The following BLK variants were observed in gnomAD, a reference collection of about 807,000 sequenced individuals.
The protein encoded by BLK is tyrosine-protein kinase Blk.
A neutral mutation model predicts 61.8 loss-of-function variants in BLK; 64 were observed. The observed-to-expected ratio is 1.03, with a 90% confidence interval of 0.85 to 1.27. The LOEUF is 1.27. Among genes scored for constraint, BLK ranks in the 50% most tolerant of loss-of-function variants. The pLI, the probability that BLK is intolerant of heterozygous loss-of-function variation, is 0.00. For synonymous variants in BLK, 351 were observed against 272.0 expected, an observed-to-expected ratio of 1.29 and a Z score of -2.86; for missense variants, 853 against 660.5, an observed-to-expected ratio of 1.29 and a Z score of -3.19.
At chr8:11,531,785 G>T (rs1380630487) in intron 1 of BLK, among the ~76,000 whole-genome samples, 2 of 152,148 alleles carry the variant, frequency 1.3e-5, no homozygotes, top group African/African-American at 2.4e-5. Context: ...ACTTTCAATT[G>T]CAGTGTCTCC....
intron 1 of BLK, among the ~76,000 whole-genome samples, chr8:11,519,218 T>C (rs538333124): frequency 2.0e-5 from 3 of 152,270 alleles, no homozygotes; most frequent in Non-Finnish European, 2.9e-5. Flanking sequence ...AAGGAAGGAA[T>C]CAGACCCTCT....
At chr8:11,509,013 C>A (rs1585328602) in intron 1 of BLK, 1 of 152,232 alleles carries the variant, frequency 6.6e-6, no homozygotes, top group Non-Finnish European at 1.5e-5. Flanking sequence ...CTGTGGGGAG[C>A]AAGCAGGCCA....
At chr8:11,534,353 A>C (rs942713995) in intron 1 of BLK, among the ~76,000 whole-genome samples, 1 of 152,252 alleles carries the variant, frequency 6.6e-6, no homozygotes, top group Non-Finnish European at 1.5e-5. Flanking sequence ...ACATATTTTA[A>C]TAATCACTAC....
intron 1 of BLK, among the ~76,000 whole-genome samples, chr8:11,526,982 G>T (rs1361236076): frequency 1.3e-5 from 2 of 152,120 alleles, no homozygotes; most frequent in Non-Finnish European, 2.9e-5. Context: ...TTTCTTTTAT[G>T]TGCTTGGGGG....
intron 1 of BLK, 23 bp from the exon 2 acceptor site, chr8:11,543,201 T>A: frequency 6.2e-7 from 1 of 1,613,528 alleles, no homozygotes. Context: ...TCATGTCCTC[T>A]GTCTGCTGTG....
intron 1 of BLK, among the ~76,000 whole-genome samples, chr8:11,523,017 T>A (rs1463688409): frequency 6.6e-6 from 1 of 150,888 alleles, no homozygotes; most frequent in Non-Finnish European, 1.5e-5. Flanking sequence ...TACCAAAATA[T>A]GAATATCTGT....
rs117799591 is a variant in BLK, at chr8:11,504,834, G to A, written c.-2+10243G>A. ...GGTGTTTGGCCTAAGTGGCCCATGT[G>A]GACTTTGTTTCAAGGATTTTACGAC... On this transcript the variant is annotated intron_variant, in intron 1 of 12. Transcript: ENST00000259089. Among the ~76,000 whole-genome samples the A allele has an allele frequency of 6.5e-3, 989 of 152,308 alleles. 4 individuals carry two copies. Among genetic ancestry groups the A allele is most frequent in the Middle Eastern group, 0.01 (3 of 294 alleles).
In BLK at chr8:11,536,354, G is replaced by C. The variant is rs79142660; in HGVS notation, c.-1-6870G>C. On this transcript the variant is annotated intron_variant, in intron 1 of 12. Transcript: ENST00000259089. ...TTTTAAAGATAATTATTGAATGTGG[G>C]TGATGAGTGTAGAAGAGTTCTATTA... Among the ~76,000 whole-genome samples, 904 of 152,226 alleles carry C rather than the reference G, an allele frequency of 5.9e-3. 9 individuals are homozygous for C. The highest frequency in any genetic ancestry group is 0.021 in the African/African-American group (852 of 41,544).
intron 1 of BLK, among the ~76,000 whole-genome samples, chr8:11,532,964 G>A (rs1585370235): frequency 6.6e-6 from 1 of 152,312 alleles, no homozygotes. Context: ...CAAGGAGCCT[G>A]AGTTTCTTCA....
At chr8:11,558,070 G>A (rs370999580) in intron 10 of BLK, 32 bp downstream of exon 10, 53 of 1,607,188 alleles carry the variant, frequency 3.3e-5, no homozygotes, top group Non-Finnish European at 4.2e-5. Context: ...GAGAAAGGGC[G>A]GCATGTGCCA....
intron 1 of BLK, among the ~76,000 whole-genome samples, chr8:11,538,176 G>A (rs774973896): frequency 2.6e-5 from 4 of 152,124 alleles, no homozygotes; most frequent in Non-Finnish European, 4.4e-5. Flanking sequence ...ACATAAGTGT[G>A]TATGCTTCCT....
At chr8:11,550,375 G>T in intron 6 of BLK, 113 bp downstream of exon 6, 1 of 1,002,960 alleles carries the variant, frequency 1.0e-6, no homozygotes. Flanking sequence ...AGAACCAGCA[G>T]CTTCCGGGCT....
At chr8:11,518,379 C>T (rs1799309125) in intron 1 of BLK, among the ~76,000 whole-genome samples, 1 of 152,168 alleles carries the variant, frequency 6.6e-6, no homozygotes, top group Non-Finnish European at 1.5e-5. Flanking sequence ...TAGATGCCCG[C>T]TAGATACTGG....
intron 2 of BLK, among the ~76,000 whole-genome samples, chr8:11,544,264 CTGAAGATACATTTTTAGA>C: frequency 6.6e-6 from 1 of 152,176 alleles, no homozygotes; most frequent in Admixed American, 6.5e-5. Flanking sequence ...CGTGCCGGGC[CTGAAGATACATTTTTAGA>C]TGATTCTTTG....
chr8:11,509,337 G>A (rs1798906055), intron 1 of BLK: 1 of 152,196 alleles, frequency 6.6e-6, no homozygotes, highest in Admixed American at 6.5e-5. Flanking sequence ...CATCCACAGG[G>A]CTGTTGCCCT....
rs1321718058 is a variant in BLK, at chr8:11,501,533, G to A, written c.-2+6942G>A. On this transcript the variant is annotated intron_variant, in intron 1 of 12. Coordinates refer to ENST00000259089, the MANE Select transcript of BLK (RefSeq NM_001715.3). ...CGTCCTGGTAAACGTTTAACAACCAGCTTTCCAGGAAACAAATGTATTGTA... is the reference window on the plus strand; with the variant it reads ...CGTCCTGGTAAACGTTTAACAACCAACTTTCCAGGAAACAAATGTATTGTA... Among the ~76,000 whole-genome samples, 2 of 152,098 alleles carry A rather than the reference G, an allele frequency of 1.3e-5. 1 individual carries two copies. The highest frequency in any genetic ancestry group is 3.9e-4 in the East Asian group (2 of 5,178).
In BLK at chr8:11,548,085, C is replaced by A. The variant is rs767324062; in HGVS notation, c.229C>A (p.Leu77Met). 5.0e-6 allele frequency: 8 copies of A among 1,613,872 alleles called. No homozygotes were observed. The Admixed American group carries it at 1.2e-4, about 24-fold the overall frequency. The stretch of plus-strand genomic sequence containing the variant: ...CTACACCGCTATGAATGATCGGGAC[C>A]TGCAGATGCTGAAGGGGGAGAAGCT... Reference protein sequence around the residue: ...YDYTAMNDRDLQMLKGEKLQV... With the variant: ...YDYTAMNDRDMQMLKGEKLQV... Residue 77 changes from leucine (L) to methionine (M), a missense_variant, in exon 4 of 13, where the codon CTG (leucine) becomes ATG (methionine). Leu to Met is a conservative substitution (Grantham distance 15). Transcript: ENST00000259089.
chr8:11,494,499 T>C lies in BLK; in HGVS notation c.-94T>C, dbSNP rs1278600803. 6.6e-6 allele frequency: 1 copy of C among 152,250 alleles called. No individual in the cohort carries two copies. The highest frequency in any genetic ancestry group is 1.5e-5 in the Non-Finnish European group (1 of 68,052). The allele number at this position is 152,250 out of a possible 1,614,324, so 9.4% of individuals were successfully genotyped here. ...ACTGGCTTTTGCTTTAGGATGGTGT[T>C]GGAAGTTGCTCGTTGTCGCTAGGAG... On this transcript the variant is annotated 5_prime_UTR_variant, in exon 1 of 13. Coordinates refer to ENST00000259089, the MANE Select transcript of BLK (RefSeq NM_001715.3).
At position 11,555,485 on chromosome 8, in the gene BLK, G is replaced by T. The variant is rs1801162955; in HGVS notation, c.772+1G>T. The T allele has an allele frequency of 6.2e-7, 1 of 1,614,138 alleles. No homozygotes were observed. Among genetic ancestry groups the T allele is most frequent in the Non-Finnish European group, 8.5e-7 (1 of 1,180,022 alleles). On this transcript the variant is annotated splice_donor_variant, in intron 8 of 12. Coordinates refer to ENST00000259089, the MANE Select transcript of BLK (RefSeq NM_001715.3). LOFTEE classifies it high-confidence loss of function. Reference sequence around the variant, plus strand: ...GGACAATTCGGCGAAGTCTGGATGGGTGAGTGTGTGCACACGTGGGAGCAT... The same window carrying T: ...GGACAATTCGGCGAAGTCTGGATGGTTGAGTGTGTGCACACGTGGGAGCAT...
Sources: gnomAD v4.1 joint callset for allele counts (sites outside exome capture counted in the v4.1 genomes callset) on GRCh38, gnomAD v4.1.1 for gene constraint, MANE v1.5 for transcripts, NCBI Gene and HGNC (gene_info 2026-07-23, HGNC 2026-07-21) for gene names.